The following RIF1 variants were observed in gnomAD, a reference collection of about 807,000 sequenced individuals.
RIF1 encodes telomere-associated protein RIF1.
In RIF1, 45 loss-of-function variants were observed where a neutral mutation model predicts 247.1. The ratio of observed to expected loss-of-function variants is 0.18; its 90% CI spans 0.14 to 0.23. The LOEUF is 0.23. Among genes scored for constraint, RIF1 ranks in the 10% least tolerant of loss-of-function variants. RIF1 has a pLI of 1.00. For missense variants in RIF1, 2,967 were observed against 2,862.5 expected, an observed-to-expected ratio of 1.04 and a Z score of -0.83; for synonymous variants, 1,087 against 978.8, an observed-to-expected ratio of 1.11 and a Z score of -2.06.
chr2:151,467,557 C>A (rs1697136598), intron 30 of RIF1, among the ~76,000 whole-genome samples: 1 of 152,002 alleles, frequency 6.6e-6, no homozygotes, highest in Admixed American at 6.6e-5. Flanking sequence ...GTTGGTCAGG[C>A]TGGTCTTGAA....
At chr2:151,525,319 C>G in the RIF1 span, 1 of 1,390,100 alleles carries the variant, frequency 7.2e-7, no homozygotes, top group South Asian at 1.2e-5. Context: ...AAGCTGGGAA[C>G]AGAGTTGGTT....
chr2:151,496,280 C>G, intron 10 of RIF1: 1 of 1,606,306 alleles, frequency 6.2e-7, no homozygotes, highest in Non-Finnish European at 8.5e-7. Context: ...AAGTACCGAG[C>G]TAATATTTTC....
chr2:151,519,135 A>C, the RIF1 span: 1 of 1,002,336 alleles, frequency 1.0e-6, no homozygotes, highest in African/African-American at 1.6e-5. Flanking sequence ...AATGGAAATC[A>C]AAGTGAGATA....
the RIF1 span, among the ~76,000 whole-genome samples, chr2:151,528,661 C>A: frequency 2.3e-4 from 35 of 152,256 alleles, no homozygotes; most frequent in Admixed American, 4.6e-4. Context: ...ATTGTATAAC[C>A]ATTTAATATA....
chr2:151,505,075 A>G (rs572469655), intron 12 of RIF1, among the ~76,000 whole-genome samples: 15 of 152,334 alleles, frequency 9.8e-5, no homozygotes, highest in African/African-American at 3.6e-4. Flanking sequence ...CATGTTTTAT[A>G]TATATACACA....
chr2:151,511,612 C>G (rs780492039), downstream of RIF1, among the ~76,000 whole-genome samples: 1 of 152,204 alleles, frequency 6.6e-6, no homozygotes, highest in Non-Finnish European at 1.5e-5. Flanking sequence ...ACTCATTGAT[C>G]AGAAGACAAG....
chr2:151,454,054 A>G (rs1694798981), intron 21 of RIF1, among the ~76,000 whole-genome samples: 1 of 152,210 alleles, frequency 6.6e-6, no homozygotes, highest in Non-Finnish European at 1.5e-5. Context: ...ATTTCTGGAT[A>G]TAGTTTTTCA....
the RIF1 span, chr2:151,525,952 A>C: frequency 6.2e-7 from 1 of 1,609,996 alleles, no homozygotes; most frequent in Non-Finnish European, 8.5e-7. Flanking sequence ...GTGGTTGATC[A>C]CTTACATCAC....
At chr2:151,502,701 A>AT (rs1311717154) in intron 11 of RIF1, 2 of 752,274 alleles carry the variant, frequency 2.7e-6, no homozygotes, top group African/African-American at 3.5e-5. Flanking sequence ...CATTATTTTC[A>AT]TTATATGAAT....
chr2:151,465,579 A>G lies in RIF1; in HGVS notation c.6059A>G (p.Asn2020Ser). ...GAAGAAACGAATACCAAAATGAAAAATAATGAAGAAATGATGATCGGCGAG... is the reference window on the plus strand; with the variant it reads ...GAAGAAACGAATACCAAAATGAAAAGTAATGAAGAAATGATGATCGGCGAG... ...SSEETNTKMKNNEEMMIGEAM... is the reference protein window; with the variant it reads ...SSEETNTKMKSNEEMMIGEAM... Residue 2020 changes from asparagine (N) to serine (S), a missense_variant, in exon 30 of 36, where the codon AAT becomes AGT. Transcript: ENST00000444746. The G allele has an allele frequency of 6.2e-7, 1 of 1,613,914 alleles. No homozygotes were observed. The highest frequency in any genetic ancestry group is 1.7e-5 in the Admixed American group (1 of 60,004).
At chr2:151,496,283 A>T (rs776955893) in intron 10 of RIF1, 3 of 1,607,988 alleles carry the variant, frequency 1.9e-6, no homozygotes, top group Non-Finnish European at 2.6e-6. Flanking sequence ...TACCGAGCTA[A>T]TATTTTCTTG....
chr2:151,531,089 A>G, the RIF1 span: 9 of 1,607,208 alleles, frequency 5.6e-6, no homozygotes, highest in Non-Finnish European at 6.8e-6. Flanking sequence ...TTGTATTCCA[A>G]TTTATAAAGG....
chr2:151,465,440 A>C lies in RIF1; in HGVS notation c.5920A>C (p.Ser1974Arg), dbSNP rs760286415. ...AACTGAGGAATTTAATTCAGATATT[A>C]GTCTTTCTGATAATACTACACCTGT... ...VATEEFNSDISLSDNTTPVKL... is the reference protein window; with the variant it reads ...VATEEFNSDIRLSDNTTPVKL... Residue 1974 changes from serine to arginine, a missense_variant, in exon 30 of 36, where the codon AGT becomes CGT. By Grantham distance (110) the Ser-to-Arg change is moderately radical. Around this residue, in one of 7 missense-constraint regions of RIF1, gnomAD observed 2,028 missense variants for 1,825.6 expected, o/e 1.11. Transcript: ENST00000444746. The C allele has an allele frequency of 6.2e-7, 1 of 1,613,796 alleles. No individual in the cohort carries two copies. The highest frequency in any genetic ancestry group is 2.2e-5 in the East Asian group (1 of 44,896).
chr2:151,524,418 G>A, the RIF1 span: 11 of 1,613,892 alleles, frequency 6.8e-6, no homozygotes, highest in South Asian at 1.1e-5. Context: ...TACTCCACCT[G>A]AATCAGAGAA....
chr2:151,434,581 C>T (rs1454808442), intron 10 of RIF1, among the ~76,000 whole-genome samples: 1 of 151,724 alleles, frequency 6.6e-6, no homozygotes, highest in Non-Finnish European at 1.5e-5. Flanking sequence ...GCTGGGACTA[C>T]AGGCGCCCGC....
At position 151,465,459 on chromosome 2, in the gene RIF1, C is replaced by A. The variant is rs1163444648; in HGVS notation, c.5939C>A (p.Thr1980Lys). ...NSDISLSDNTTPVKLNAQTEI... is the reference protein window; with the variant it reads ...NSDISLSDNTKPVKLNAQTEI... ...GATATTAGTCTTTCTGATAATACTA[C>A]ACCTGTAAAATTGAATGCTCAAACT... The change falls in exon 30 of 36, where the codon ACA (threonine) becomes AAA (lysine). Residue 1980 changes from threonine to lysine, a missense_variant. Thr to Lys is a moderately conservative substitution (Grantham distance 78). This residue lies in a region of RIF1 where 2,028 missense variants were observed against 1,825.6 expected (regional missense o/e 1.11). Coordinates refer to ENST00000444746, the MANE Select transcript of RIF1 (RefSeq NM_018151.5). The A allele has an allele frequency of 6.2e-7, 1 of 1,614,040 alleles. No homozygotes were observed. Among genetic ancestry groups the A allele is most frequent in the Non-Finnish European group, 8.5e-7 (1 of 1,179,946 alleles).
chr2:151,441,801 G>T (rs948423784), intron 15 of RIF1, 104 bp from the exon 16 acceptor site: 11 of 508,900 alleles, frequency 2.2e-5, no homozygotes, highest in Non-Finnish European at 4.0e-5. Flanking sequence ...TTACGTTAAT[G>T]AATGAACATT....
chr2:151,447,424 A>G (rs1693509793), intron 20 of RIF1, among the ~76,000 whole-genome samples: 1 of 152,224 alleles, frequency 6.6e-6, no homozygotes, highest in African/African-American at 2.4e-5. Flanking sequence ...TAATTATGTA[A>G]CTTTTCGTAA....
At position 151,463,820 on chromosome 2, in the gene RIF1, A is replaced by G. The variant is rs1438855848; in HGVS notation, c.4300A>G (p.Lys1434Glu). 6.2e-7 allele frequency: 1 copy of G among 1,612,286 alleles called. No homozygotes were observed. Among genetic ancestry groups the G allele is most frequent in the South Asian group, 1.1e-5 (1 of 90,594 alleles). ...VVESTTESQD[K>E]ENSHQKKERR... Reference sequence around the variant, plus strand: ...AGAGTCTACCACTGAAAGCCAAGATAAGGAAAATAGTCATCAAAAAAAGGA... The same window carrying G: ...AGAGTCTACCACTGAAAGCCAAGATGAGGAAAATAGTCATCAAAAAAAGGA... Residue 1434 changes from lysine (K) to glutamate (E), a missense_variant, in exon 30 of 36, where the codon AAG (lysine) becomes GAG (glutamate). Around this residue, in one of 7 missense-constraint regions of RIF1, gnomAD observed 2,028 missense variants for 1,825.6 expected, o/e 1.11. Coordinates refer to ENST00000444746, the MANE Select transcript of RIF1 (RefSeq NM_018151.5).
Sources: gnomAD v4.1 joint callset for allele counts (sites outside exome capture counted in the v4.1 genomes callset) on GRCh38, gnomAD v4.1.1 for gene constraint, gnomAD v4.1.1 regional missense constraint, MANE v1.5 for transcripts, NCBI Gene and HGNC (gene_info 2026-07-23, HGNC 2026-07-21) for gene names.